The following CSMD1 variants were observed in gnomAD, a reference collection of about 807,000 sequenced individuals.
CSMD1 encodes the protein CUB and Sushi multiple domains 1, also known as CUB and sushi domain-containing protein 1.
Under a neutral mutation model 417.5 loss-of-function variants are expected in CSMD1, and 213 were observed. The ratio of observed to expected loss-of-function variants is 0.51; its 90% confidence interval spans 0.46 to 0.57. The LOEUF (loss-of-function observed/expected upper bound fraction) is 0.57. CSMD1 is among the 20% of genes least tolerant of loss of function. The pLI is 0.00. For missense variants in CSMD1, 6,923 were observed against 4,529.7 expected (o/e 1.53, Z -15.17); for synonymous variants, 2,862 against 1,736.8 (o/e 1.65, Z -16.11).
chr8:3,457,510 C>G (rs927899396), intron 12 of CSMD1, among the ~76,000 whole-genome samples: 1 of 152,188 alleles, frequency 6.6e-6, no homozygotes, highest in South Asian at 2.1e-4. Context: ...GCTGAGTCAT[C>G]AAAACCGCAT....
intron 10 of CSMD1, among the ~76,000 whole-genome samples, chr8:3,524,324 A>G (rs1370767898): frequency 7.5e-6 from 1 of 134,158 alleles, no homozygotes; most frequent in Non-Finnish European, 1.6e-5. Flanking sequence ...TGCACACATA[A>G]ACATGCACAC....
chr8:3,899,003 T>C (rs1807549843), intron 5 of CSMD1, among the ~76,000 whole-genome samples: 1 of 152,178 alleles, frequency 6.6e-6, no homozygotes, highest in Non-Finnish European at 1.5e-5. Context: ...TGCTAAAATA[T>C]GTGCTAGAAG....
chr8:3,206,906 T>A (rs1453665471), intron 30 of CSMD1, among the ~76,000 whole-genome samples: 1 of 152,078 alleles, frequency 6.6e-6, no homozygotes, highest in Non-Finnish European at 1.5e-5. Context: ...TCATTATATT[T>A]CTACATGAGA....
At chr8:4,652,280 G>A (rs775128645) in intron 1 of CSMD1, among the ~76,000 whole-genome samples, 37 of 152,124 alleles carry the variant, frequency 2.4e-4, no homozygotes, top group Admixed American at 8.5e-4. Context: ...TTTATACTTC[G>A]AGACCAGGAA....
At chr8:4,864,818 C>A (rs1802328654) in intron 1 of CSMD1, among the ~76,000 whole-genome samples, 1 of 150,558 alleles carries the variant, frequency 6.6e-6, no homozygotes, top group Non-Finnish European at 1.5e-5. Flanking sequence ...GTAATCTTTT[C>A]ATTGTATATA....
rs577104092 is a variant in CSMD1 at position 4,704,730 on chromosome 8, CT to C, written c.86-67173del. The stretch of plus-strand genomic sequence containing the variant: ...GTGCTTGCTTAATGGAATGCCTGTC[CT>C]TTCAAATGTTCTGGATATGTGTGAG... On this transcript the variant is annotated intron_variant, in intron 1 of 69. Transcript: ENST00000635120. Among the ~76,000 whole-genome samples the C allele has an allele frequency of 2.6e-4, 39 of 152,214 alleles. No individual in the cohort carries two copies. The South Asian group carries it at 8.1e-3, about 32-fold the overall frequency.
chr8:4,223,080 G>A (rs1801136526), intron 3 of CSMD1, among the ~76,000 whole-genome samples: 1 of 152,000 alleles, frequency 6.6e-6, no homozygotes, highest in Non-Finnish European at 1.5e-5. Context: ...CTAAACAGCT[G>A]GTTCCCTCCC....
chr8:4,396,750 C>G (rs1263507482), intron 3 of CSMD1, among the ~76,000 whole-genome samples: 2 of 151,990 alleles, frequency 1.3e-5, no homozygotes, highest in African/African-American at 2.4e-5. Flanking sequence ...GAAATGGAGA[C>G]AATTACTCTA....
intron 3 of CSMD1, among the ~76,000 whole-genome samples, chr8:4,376,139 A>G (rs1000807040): frequency 1.3e-5 from 2 of 152,242 alleles, no homozygotes; most frequent in African/African-American, 2.4e-5. Context: ...ATGCACTGCA[A>G]ACTTTATGCT....
intron 3 of CSMD1, among the ~76,000 whole-genome samples, chr8:4,320,392 G>C (rs1174880905): frequency 6.6e-6 from 1 of 152,038 alleles, no homozygotes; most frequent in African/African-American, 2.4e-5. Context: ...AGTTGTGAGG[G>C]TACATGTGTA....
intron 3 of CSMD1, among the ~76,000 whole-genome samples, chr8:4,375,820 G>C (rs147422188): frequency 2.6e-5 from 4 of 152,114 alleles, no homozygotes. Flanking sequence ...AGAGTTCAAT[G>C]TTTTTAAGCC....
At chr8:4,211,974 C>A (rs1800338586) in intron 3 of CSMD1, among the ~76,000 whole-genome samples, 1 of 152,036 alleles carries the variant, frequency 6.6e-6, no homozygotes, top group Non-Finnish European at 1.5e-5. Context: ...ACATTTTTAG[C>A]AGTATGTCTT....
chr8:3,312,731 G>C (rs1037219047), intron 23 of CSMD1, among the ~76,000 whole-genome samples: 1 of 152,128 alleles, frequency 6.6e-6, no homozygotes, highest in Non-Finnish European at 1.5e-5. Flanking sequence ...CTGCTAGGGA[G>C]AAGAGTGCTG....
intron 5 of CSMD1, among the ~76,000 whole-genome samples, chr8:3,778,451 G>C (rs368774859): frequency 6.6e-6 from 1 of 152,192 alleles, no homozygotes; most frequent in Non-Finnish European, 1.5e-5. Flanking sequence ...GCCATCCCAA[G>C]GTGCCCTCGC....
intron 4 of CSMD1, among the ~76,000 whole-genome samples, chr8:4,014,814 T>C (rs1796444629): frequency 6.6e-6 from 1 of 152,196 alleles, no homozygotes; most frequent in Non-Finnish European, 1.5e-5. Context: ...TTTACAGCTC[T>C]ATAACCTAAC....
At chr8:3,591,646 C>T (rs558313666) in intron 8 of CSMD1, among the ~76,000 whole-genome samples, 1 of 152,268 alleles carries the variant, frequency 6.6e-6, no homozygotes, top group East Asian at 1.9e-4. Context: ...CACTGCTCAG[C>T]GTCTACTGAA....
intron 3 of CSMD1, among the ~76,000 whole-genome samples, chr8:4,098,172 A>C (rs2130868951): frequency 6.6e-6 from 1 of 152,326 alleles, no homozygotes; most frequent in East Asian, 1.9e-4. Flanking sequence ...CATGTTTTGC[A>C]GCTTTAGAAT....
chr8:4,559,654 A>T (rs1798241822), intron 2 of CSMD1, among the ~76,000 whole-genome samples: 2 of 152,238 alleles, frequency 1.3e-5, no homozygotes, highest in South Asian at 4.1e-4. Flanking sequence ...TTAATAATTC[A>T]TATTTATGTA....
At chr8:4,327,295 T>C (rs986504220) in intron 3 of CSMD1, among the ~76,000 whole-genome samples, 2 of 152,208 alleles carry the variant, frequency 1.3e-5, no homozygotes, top group African/African-American at 4.8e-5. Context: ...CTCTTTTACA[T>C]TTTTCTCTTC....
Sources: allele counts gnomAD v4.1 joint callset (sites outside exome capture counted in the v4.1 genomes callset), GRCh38; gene constraint gnomAD v4.1.1; transcripts MANE v1.5; gene names NCBI Gene and HGNC (gene_info 2026-07-23, HGNC 2026-07-21).